PRRC2C: variants seen among roughly 807,000 people sequenced by gnomAD.
The protein encoded by PRRC2C is proline rich coiled-coil 2C, also known as protein PRRC2C.
Under a neutral mutation model 317.2 loss-of-function variants are expected in PRRC2C, and 72 were observed. That is an observed-to-expected ratio of 0.23 (90% confidence interval 0.19 to 0.28). The LOEUF (loss-of-function observed/expected upper bound fraction) is 0.28, where lower values mean the gene tolerates loss of function less well. PRRC2C is among the 10% of genes least tolerant of loss of function. PRRC2C has a pLI of 1.00. For missense variants in PRRC2C, 3,074 were observed against 3,459.7 expected (o/e 0.89, Z 2.80); for synonymous variants, 1,296 against 1,205.9 (o/e 1.07, Z -1.55).
intron 17 of PRRC2C, 46 bp from the exon 18 acceptor site, chr1:171,550,040 C>A: frequency 1.2e-5 from 16 of 1,335,580 alleles, no homozygotes; most frequent in East Asian, 5.6e-5. Flanking sequence ...TATTAATTTT[C>A]ATTTGAAAAA....
chr1:171,593,421 T>C lies in PRRC2C; in HGVS notation c.*1574T>C, dbSNP rs1651791907. On this transcript the variant is annotated 3_prime_UTR_variant, in exon 35 of 35. Coordinates refer to ENST00000647382, the MANE Select transcript of PRRC2C (RefSeq NM_001387844.1). Reference sequence around the variant, plus strand: ...ACGTTAAACTTAATTTTTTTCCATTTGTACAGGGGTAACGCACTGTATTAA... The same window carrying C: ...ACGTTAAACTTAATTTTTTTCCATTCGTACAGGGGTAACGCACTGTATTAA... The C allele has an allele frequency of 6.6e-6, 1 of 152,086 alleles. No homozygotes were observed. The highest frequency in any genetic ancestry group is 1.5e-5 in the Non-Finnish European group (1 of 68,002). The allele number at this position is 152,086 out of a possible 1,614,324, so 9.4% of individuals were successfully genotyped here.
At chr1:171,486,447 G>T (rs1454219225) in intron 1 of PRRC2C, among the ~76,000 whole-genome samples, 1 of 152,106 alleles carries the variant, frequency 6.6e-6, no homozygotes, top group Non-Finnish European at 1.5e-5. Flanking sequence ...TCAGGGTAAA[G>T]GCCCCGTTTT....
At chr1:171,560,320 G>T (rs1682418736) in intron 19 of PRRC2C, among the ~76,000 whole-genome samples, 1 of 152,220 alleles carries the variant, frequency 6.6e-6, no homozygotes, top group South Asian at 2.1e-4. Flanking sequence ...GAATCTCCTG[G>T]TGAAGATGCT....
intron 18 of PRRC2C, among the ~76,000 whole-genome samples, chr1:171,556,479 G>C (rs752499767): frequency 2.6e-5 from 4 of 152,204 alleles, no homozygotes; most frequent in African/African-American, 4.8e-5. Flanking sequence ...TCATTTGGAA[G>C]TGCAGAAATC....
In PRRC2C at chr1:171,532,329, C is replaced by A. The variant is rs368824657; in HGVS notation, c.1255-14C>A. 2.2e-5 allele frequency: 36 copies of A among 1,601,470 alleles called. No individual in the cohort carries two copies. Among genetic ancestry groups the A allele is most frequent in the Non-Finnish European group, 2.9e-5 (34 of 1,174,630 alleles). ...TAGAGTTGTCATAACTCATCTGATA[C>A]CTTAATGTTTCAGCATCCACCTCCA... is the stretch of plus-strand genomic sequence containing the variant. On this transcript the variant is annotated splice_polypyrimidine_tract_variant and intron_variant, in intron 11 of 34. Transcript: ENST00000647382.
At position 171,537,304 on chromosome 1, in the gene PRRC2C, G is replaced by A; in HGVS notation, c.2335G>A (p.Glu779Lys). 1 of 1,600,980 alleles carries A rather than the reference G, an allele frequency of 6.2e-7. No individual in the cohort carries two copies. Among genetic ancestry groups the A allele is most frequent in the Non-Finnish European group, 8.5e-7 (1 of 1,173,124 alleles). ...ACCATTAATGAGAAGAGACCAGATGGAAGGGTCACCGAACAGTTCTGAGTC... is the reference window on the plus strand; with the variant it reads ...ACCATTAATGAGAAGAGACCAGATGAAAGGGTCACCGAACAGTTCTGAGTC... ...PKPLMRRDQM[E>K]GSPNSSESFE... The change falls in exon 15 of 35, where the codon GAA (glutamate) becomes AAA (lysine). Residue 779 changes from glutamate (E) to lysine (K), a missense_variant. This residue lies in a region of PRRC2C where 1,320 missense variants were observed against 1,395.7 expected (regional missense o/e 0.95). Coordinates refer to ENST00000647382, the MANE Select transcript of PRRC2C (RefSeq NM_001387844.1).
At chr1:171,562,348 T>TA (rs1461438752) in intron 20 of PRRC2C, among the ~76,000 whole-genome samples, 1 of 152,146 alleles carries the variant, frequency 6.6e-6, no homozygotes, top group Non-Finnish European at 1.5e-5. Context: ...GTGGATCCTG[T>TA]AGGGCCTATG....
chr1:171,494,715 A>AC (rs1667790691), intron 1 of PRRC2C, among the ~76,000 whole-genome samples: 1 of 72,928 alleles, frequency 1.4e-5, no homozygotes, highest in Non-Finnish European at 2.9e-5. Flanking sequence ...AAACCTCTTC[A>AC]CTTTCGCCTT....
chr1:171,506,687 T>TTGTGTGTGTGTGTG (rs34060083), intron 1 of PRRC2C, among the ~76,000 whole-genome samples: 334 of 136,632 alleles, frequency 2.4e-3, no homozygotes, highest in African/African-American at 8.4e-3. Flanking sequence ...TTTTTTTTCT[T>TTGTGTGTGTGTGTG]TGTGTGTGTG....
In PRRC2C at chr1:171,541,365, C is replaced by G. The variant is rs772896272; in HGVS notation, c.3899C>G (p.Pro1300Arg). ...KREERPENKK[P>R]VKPHSSFKPD... ...GAGGAACGGCCTGAAAACAAAAAACCTGTAAAGCCTCATTCTTCTTTCAAG... is the reference window on the plus strand; with the variant it reads ...GAGGAACGGCCTGAAAACAAAAAACGTGTAAAGCCTCATTCTTCTTTCAAG... The change falls in exon 16 of 35, where the codon CCT (proline) becomes CGT (arginine). Residue 1300 changes from proline to arginine, a missense_variant. Pro to Arg is a moderately radical substitution (Grantham distance 103, BLOSUM62 -2). Transcript: ENST00000647382. The surrounding 1 kb of genome is among the most constrained non-coding windows in gnomAD (Gnocchi z 4.1). The G allele has an allele frequency of 8.1e-6, 13 of 1,612,244 alleles. No individual in the cohort carries two copies. The South Asian group carries it at 1.4e-4, about 18-fold the overall frequency.
At chr1:171,488,197 A>G (rs1364274279) in intron 1 of PRRC2C, among the ~76,000 whole-genome samples, 2 of 152,250 alleles carry the variant, frequency 1.3e-5, no homozygotes, top group Non-Finnish European at 2.9e-5. Context: ...ACAAGAATTG[A>G]TCATTGGTAA....
chr1:171,592,095 G>C lies in PRRC2C; in HGVS notation c.*248G>C. Reference sequence around the variant, plus strand: ...GTTGATGGCCATGCATCTTCAGTCAGAATTTATATATAAATGTATGCACCC... The same window carrying C: ...GTTGATGGCCATGCATCTTCAGTCACAATTTATATATAAATGTATGCACCC... On this transcript the variant is annotated 3_prime_UTR_variant, in exon 35 of 35. Coordinates refer to ENST00000647382, the MANE Select transcript of PRRC2C (RefSeq NM_001387844.1). 5.0e-6 allele frequency: 2 copies of C among 400,106 alleles called. No individual in the cohort carries two copies. Among genetic ancestry groups the C allele is most frequent in the Non-Finnish European group, 8.8e-6 (2 of 226,482 alleles). The allele number at this position is 400,106 out of a possible 1,614,324, so 24.8% of individuals were successfully genotyped here. A position where few individuals can be genotyped will look rare whatever the true frequency, so the allele number is the denominator to read the frequency against.
intron 12 of PRRC2C, among the ~76,000 whole-genome samples, chr1:171,534,417 C>G (rs1324043793): frequency 6.6e-6 from 1 of 152,116 alleles, no homozygotes; most frequent in African/African-American, 2.4e-5. Flanking sequence ...TATTCTCTCT[C>G]ATGGCAATTT....
chr1:171,490,215 C>G (rs1257496372), intron 1 of PRRC2C, among the ~76,000 whole-genome samples: 1 of 152,192 alleles, frequency 6.6e-6, no homozygotes, highest in African/African-American at 2.4e-5. Flanking sequence ...CTGCATCCTG[C>G]CGTTTAAAAG....
In PRRC2C at chr1:171,584,360, C is replaced by T. The variant is rs1414586075; in HGVS notation, c.7642-59C>T. The T allele has an allele frequency of 2.8e-6, 4 of 1,453,402 alleles. No homozygotes were observed. In the East Asian group the frequency reaches 7.3e-5, roughly 27 times the overall value. 90.0% of individuals were successfully genotyped at this position (1,453,402 alleles called of 1,614,324 possible). A position where few individuals can be genotyped will look rare whatever the true frequency, so the allele number is the denominator to read the frequency against. The stretch of plus-strand genomic sequence containing the variant: ...CATTGCTTTGAAGTCATAATCTCCA[C>T]CTCTGAATTTGAAATTTTTTTCAGT... On this transcript the variant is annotated intron_variant, in intron 29 of 34. Coordinates refer to ENST00000647382, the MANE Select transcript of PRRC2C (RefSeq NM_001387844.1).
rs183468399 is a variant in PRRC2C, at chr1:171,500,573, G to A, written c.-57-11459G>A. 1.6e-3 allele frequency among the ~76,000 whole-genome samples: 241 copies of A among 152,144 alleles called. 2 individuals carry two copies. The highest frequency in any genetic ancestry group is 2.6e-3 in the Non-Finnish European group (180 of 67,984). On this transcript the variant is annotated intron_variant, in intron 1 of 34. Coordinates refer to ENST00000647382, the MANE Select transcript of PRRC2C (RefSeq NM_001387844.1). ...CACCATGCCTGGCTACTTTTTAGTT[G>A]TTTTGTTAGAGACAGTCTCACTATG...
chr1:171,561,701 A>G (rs1231918561), intron 20 of PRRC2C, among the ~76,000 whole-genome samples: 3 of 152,228 alleles, frequency 2.0e-5, no homozygotes, highest in Admixed American at 2.0e-4. Flanking sequence ...ACAGAAAATA[A>G]AAGTGCAATT....
chr1:171,586,543 G>GTATTT (rs560341256), intron 30 of PRRC2C, among the ~76,000 whole-genome samples: 6,655 of 132,174 alleles, frequency 0.05, 239 homozygotes, highest in South Asian at 0.1. Context: ...TGTGTTCTAT[G>GTATTT]TATTTTATTT....
chr1:171,545,356 G>A (rs971704694), intron 16 of PRRC2C, 123 bp from the exon 17 acceptor site: 1 of 795,372 alleles, frequency 1.3e-6, no homozygotes. Flanking sequence ...TTTGGTTACA[G>A]TTAAGAGTTT....
Sources: allele counts gnomAD v4.1 joint callset (sites outside exome capture counted in the v4.1 genomes callset), GRCh38; gene constraint gnomAD v4.1.1; regional missense constraint gnomAD v4.1.1; non-coding constraint Gnocchi (gnomAD v3.1); transcripts MANE v1.5; gene names NCBI Gene and HGNC (gene_info 2026-07-23, HGNC 2026-07-21).